The following RGS21 variants were observed in gnomAD, a reference collection of about 807,000 sequenced individuals.
RGS21 encodes the protein regulator of G protein signaling 21.
RGS21 carries 19 observed loss-of-function variants against 18.7 expected under a neutral mutation model. The ratio of observed to expected loss-of-function variants is 1.01; its 90% CI spans 0.71 to 1.49. RGS21 has a LOEUF of 1.49. RGS21 is among the 40% of genes most tolerant of loss of function. The probability of loss-of-function intolerance (pLI) is 0.00; values close to 1 mark genes in which losing one functional copy is unlikely to be tolerated. For synonymous variants in RGS21, 56 were observed against 57.8 expected, an observed-to-expected ratio of 0.97 and a Z score of 0.14; for missense variants, 194 against 176.8, an observed-to-expected ratio of 1.10 and a Z score of -0.55.
intron 4 of RGS21, among the ~76,000 whole-genome samples, chr1:192,353,977 C>CAT (rs1038254152): frequency 2.0e-5 from 3 of 151,448 alleles, no homozygotes; most frequent in Non-Finnish European, 4.4e-5. Context: ...TTTATATATA[C>CAT]ATATATATAT....
chr1:192,342,937 C>T (rs2102229945), intron 1 of RGS21, 40 bp from the exon 2 acceptor site: 1 of 1,172,686 alleles, frequency 8.5e-7, no homozygotes, highest in Non-Finnish European at 1.3e-6. Flanking sequence ...TAGGTATTCG[C>T]ATACTAATTG....
chr1:192,333,127 C>T (rs559707245), intron 1 of RGS21, among the ~76,000 whole-genome samples: 9 of 151,894 alleles, frequency 5.9e-5, no homozygotes, highest in African/African-American at 2.2e-4. Flanking sequence ...TTATCACTGC[C>T]GATCTAGGTA....
At position 192,352,037 on chromosome 1, in the gene RGS21, T is replaced by C. The variant is rs763513151; in HGVS notation, c.89-10T>C. The C allele has an allele frequency of 2.6e-6, 4 of 1,549,336 alleles. No homozygotes were observed. In the South Asian group the frequency reaches 3.7e-5, roughly 14 times the overall value. ...CTATTATACAAAACTTTTTCTCATATATTTTATAGCTGGTCTAGATGCTTT... is the reference window on the plus strand; with the variant it reads ...CTATTATACAAAACTTTTTCTCATACATTTTATAGCTGGTCTAGATGCTTT... On this transcript the variant is annotated splice_polypyrimidine_tract_variant and intron_variant, in intron 3 of 4. Transcript: ENST00000417209.
At chr1:192,351,055 C>G (rs977173551) in intron 3 of RGS21, among the ~76,000 whole-genome samples, 3 of 152,036 alleles carry the variant, frequency 2.0e-5, no homozygotes, top group Admixed American at 2.0e-4. Context: ...GTAAACATGC[C>G]TGTGAATAAG....
chr1:192,359,526 C>T (rs899773167), intron 4 of RGS21, among the ~76,000 whole-genome samples: 1 of 151,674 alleles, frequency 6.6e-6, no homozygotes, highest in African/African-American at 2.4e-5. Context: ...AGAATACAAA[C>T]AAAAATCACA....
At chr1:192,324,611 G>A (rs1015181494) in intron 1 of RGS21, among the ~76,000 whole-genome samples, 28 of 130,046 alleles carry the variant, frequency 2.2e-4, no homozygotes, top group Admixed American at 1.4e-3. Context: ...ATGTGTGTGC[G>A]TGCACACACA....
chr1:192,364,961 C>A (rs374763284), intron 4 of RGS21, among the ~76,000 whole-genome samples: 7 of 151,768 alleles, frequency 4.6e-5, no homozygotes, highest in Non-Finnish European at 5.9e-5. Flanking sequence ...GGTGAAACCC[C>A]GTCTCTACTA....
At chr1:192,357,511 C>T (rs2102236888) in intron 4 of RGS21, among the ~76,000 whole-genome samples, 1 of 151,928 alleles carries the variant, frequency 6.6e-6, no homozygotes, top group South Asian at 2.1e-4. Flanking sequence ...CTCATTTGGT[C>T]ATCACGTTCA....
intron 4 of RGS21, among the ~76,000 whole-genome samples, chr1:192,359,782 C>CTCTATA (rs377717974): frequency 6.9e-6 from 1 of 145,166 alleles, no homozygotes; most frequent in African/African-American, 2.5e-5. Flanking sequence ...CTCTCTCTCT[C>CTCTATA]TATATATATA....
Position 192,366,348 on chromosome 1 carries a change from T to G in RGS21, c.*224T>G. On this transcript the variant is annotated 3_prime_UTR_variant, in exon 5 of 5. Coordinates refer to ENST00000417209, the MANE Select transcript of RGS21 (RefSeq NM_001039152.3). The stretch of plus-strand genomic sequence containing the variant: ...TCCTACTGGGGGAGTACAAAGAAAG[T>G]TTATAGAGATACAATATAGTCTTAA... The G allele has an allele frequency of 2.3e-6, 1 of 440,302 alleles. No individual in the cohort carries two copies. Among genetic ancestry groups the G allele is most frequent in the South Asian group, 2.6e-5 (1 of 38,828 alleles). The allele number at this position is 440,302 out of a possible 1,614,324, so 27.3% of individuals were successfully genotyped here.
At chr1:192,329,281 T>C (rs1658611937) in intron 1 of RGS21, among the ~76,000 whole-genome samples, 2 of 152,098 alleles carry the variant, frequency 1.3e-5, no homozygotes, top group Non-Finnish European at 2.9e-5. Context: ...TACCTATTCA[T>C]TTTTTCCTTG....
chr1:192,337,581 G>C (rs1429617216), intron 1 of RGS21, among the ~76,000 whole-genome samples: 1 of 152,090 alleles, frequency 6.6e-6, no homozygotes, highest in Non-Finnish European at 1.5e-5. Context: ...CAGGAGAATA[G>C]TTTAACGGAT....
chr1:192,319,066 C>A (rs1041139674), intron 1 of RGS21, among the ~76,000 whole-genome samples: 1 of 151,806 alleles, frequency 6.6e-6, no homozygotes, highest in African/African-American at 2.4e-5. Context: ...CCCCTCTGCA[C>A]CCCCATCTCT....
intron 1 of RGS21, among the ~76,000 whole-genome samples, chr1:192,318,636 T>C (rs183546002): frequency 1.3e-5 from 2 of 152,264 alleles, no homozygotes; most frequent in East Asian, 1.9e-4. Flanking sequence ...TCTTTATTGA[T>C]GGGTTTTATC....
intron 1 of RGS21, among the ~76,000 whole-genome samples, chr1:192,318,826 C>T (rs563678428): frequency 3.3e-5 from 5 of 152,074 alleles, no homozygotes; most frequent in Non-Finnish European, 7.4e-5. Context: ...CCATAAAAAC[C>T]AGCTGGTAAT....
intron 1 of RGS21, among the ~76,000 whole-genome samples, chr1:192,330,289 A>G (rs535500269): frequency 1.7e-4 from 26 of 152,290 alleles, no homozygotes; most frequent in African/African-American, 6.0e-4. Flanking sequence ...TTTGAAATCC[A>G]TGGGTAGAAT....
At chr1:192,352,848 T>C (rs537739765) in intron 4 of RGS21, among the ~76,000 whole-genome samples, 31 of 152,180 alleles carry the variant, frequency 2.0e-4, no homozygotes, top group Admixed American at 1.6e-3. Context: ...ATCTCATTTG[T>C]AGTTGATTTA....
At chr1:192,351,909 A>T (rs1240506905) in intron 3 of RGS21, 138 bp from the exon 4 acceptor site, 3 of 532,490 alleles carry the variant, frequency 5.6e-6, no homozygotes, top group African/African-American at 1.9e-5. Context: ...CAACTAAAAC[A>T]TACATTACAT....
intron 4 of RGS21, among the ~76,000 whole-genome samples, chr1:192,355,640 A>G (rs555469098): frequency 6.6e-6 from 1 of 151,606 alleles, no homozygotes; most frequent in Non-Finnish European, 1.5e-5. Flanking sequence ...TGTACATACT[A>G]ATAATGTGGG....
Sources: allele counts gnomAD v4.1 joint callset (sites outside exome capture counted in the v4.1 genomes callset), GRCh38; gene constraint gnomAD v4.1.1; transcripts MANE v1.5; gene names NCBI Gene and HGNC (gene_info 2026-07-23, HGNC 2026-07-21).